Variants in L3MBTL3 observed in about 807,000 individuals in gnomAD.
The protein encoded by L3MBTL3 is lethal(3)malignant brain tumor-like protein 3.
L3MBTL3 carries 27 observed loss-of-function variants against 102.3 expected under a neutral mutation model. The ratio of observed to expected loss-of-function variants is 0.26; its 90% CI spans 0.19 to 0.36. The LOEUF is 0.36. Ranked by LOEUF, L3MBTL3 falls within the 10% of genes least tolerant of loss-of-function variation. L3MBTL3 has a pLI of 1.00. For missense variants in L3MBTL3, 798 were observed against 955.3 expected (o/e 0.84, Z 2.17); for synonymous variants, 340 against 320.9 (o/e 1.06, Z -0.64).
intron 9 of L3MBTL3, among the ~76,000 whole-genome samples, chr6:130,058,149 CAAAA>C (rs61250078): frequency 4.5e-5 from 4 of 89,152 alleles, no homozygotes; most frequent in African/African-American, 1.7e-4. Flanking sequence ...GACTCCGTCT[CAAAA>C]AAAAAAAAAA....
At chr6:130,098,350 A>T (rs1784479553) in intron 18 of L3MBTL3, among the ~76,000 whole-genome samples, 1 of 152,150 alleles carries the variant, frequency 6.6e-6, no homozygotes, top group Non-Finnish European at 1.5e-5. Context: ...GAGGGACTGT[A>T]TAGAGGAGAG....
At chr6:130,039,858 A>G (rs1384516622) in intron 2 of L3MBTL3, among the ~76,000 whole-genome samples, 5 of 152,148 alleles carry the variant, frequency 3.3e-5, no homozygotes, top group Non-Finnish European at 7.4e-5. Context: ...TCATGCATGT[A>G]TGAGGTTGGA....
chr6:130,097,961 G>A (rs938074877), intron 18 of L3MBTL3, among the ~76,000 whole-genome samples: 16 of 152,178 alleles, frequency 1.1e-4, no homozygotes, highest in South Asian at 4.2e-4. Flanking sequence ...CAGCTACTCC[G>A]GAGGCTGAGG....
At chr6:130,112,680 C>A (rs370157043) in intron 19 of L3MBTL3, among the ~76,000 whole-genome samples, 27 of 152,058 alleles carry the variant, frequency 1.8e-4, no homozygotes, top group African/African-American at 6.0e-4. Context: ...GGATTCAGGG[C>A]ATCCTCATCG....
chr6:130,092,927 T>G (rs755573423), intron 17 of L3MBTL3, 68 bp downstream of exon 17: 10 of 989,766 alleles, frequency 1.0e-5, no homozygotes, highest in Non-Finnish European at 1.6e-5. Flanking sequence ...GATTTCATCC[T>G]TAGCCCTTTC....
chr6:130,131,050 A>C (rs1284779032), intron 20 of L3MBTL3, among the ~76,000 whole-genome samples: 1 of 152,236 alleles, frequency 6.6e-6, no homozygotes, highest in Non-Finnish European at 1.5e-5. Context: ...CAAGATCTCT[A>C]CCTGAAAATG....
rs1472251574 is a variant in L3MBTL3, at chr6:130,049,377, A to C, written c.198A>C (p.Val66=). The C allele has an allele frequency of 6.2e-7, 1 of 1,602,550 alleles. No individual in the cohort carries two copies. The highest frequency in any genetic ancestry group is 8.5e-7 in the Non-Finnish European group (1 of 1,170,488). Residue 66 remains valine (V), a synonymous_variant, in exon 4 of 23, where the codon GTA becomes GTC. Transcript: ENST00000361794. ...KKATATTTWM[V]PTAQEAPTSP... ...CAACTGCTACCACCACTTGGATGGT[A>C]CCAACTGCTCAAGAAGGTAAGGATG... is the stretch of plus-strand genomic sequence containing the variant.
chr6:130,025,185 G>T (rs1779267990), intron 2 of L3MBTL3, among the ~76,000 whole-genome samples: 1 of 152,146 alleles, frequency 6.6e-6, no homozygotes, highest in Admixed American at 6.5e-5. Flanking sequence ...AAGGATTTGG[G>T]AATGCTTATA....
intron 2 of L3MBTL3, among the ~76,000 whole-genome samples, chr6:130,032,934 C>T (rs965019236): frequency 1.3e-5 from 2 of 152,038 alleles, no homozygotes; most frequent in Admixed American, 6.6e-5. Context: ...TTGAGGCTGC[C>T]GTGATCCATG....
intron 20 of L3MBTL3, among the ~76,000 whole-genome samples, chr6:130,128,576 C>G (rs556551706): frequency 5.9e-4 from 90 of 152,248 alleles, no homozygotes; most frequent in Non-Finnish European, 2.4e-4. Flanking sequence ...GTCATATGGC[C>G]ACTTTTAGCT....
intron 18 of L3MBTL3, among the ~76,000 whole-genome samples, chr6:130,095,090 A>G (rs1170181715): frequency 2.0e-5 from 3 of 152,184 alleles, no homozygotes; most frequent in African/African-American, 7.2e-5. Context: ...TTCAACTGGC[A>G]TTTTTAAGGA....
chr6:130,042,853 C>G, intron 3 of L3MBTL3, 52 bp downstream of exon 3: 1 of 1,200,428 alleles, frequency 8.3e-7, no homozygotes. Context: ...TGTGCGTATG[C>G]TTACTTAAAA....
At chr6:130,091,975 ATTTATATATT>A (rs1346060283) in intron 16 of L3MBTL3, among the ~76,000 whole-genome samples, 1 of 152,050 alleles carries the variant, frequency 6.6e-6, no homozygotes, top group African/African-American at 2.4e-5. Flanking sequence ...GTTAACAATA[ATTTATATATT>A]TTTAAATAAC....
chr6:130,104,370 T>C (rs373316719), intron 18 of L3MBTL3, 56 bp from the exon 19 acceptor site: 1 of 1,269,262 alleles, frequency 7.9e-7, no homozygotes. Context: ...GGAAGAAGTA[T>C]GGCCTAATGG....
At chr6:130,134,317 A>T (rs1320061697) in intron 22 of L3MBTL3, among the ~76,000 whole-genome samples, 1 of 152,176 alleles carries the variant, frequency 6.6e-6, no homozygotes, top group Non-Finnish European at 1.5e-5. Flanking sequence ...GATTGACTCC[A>T]TTTGAGGTTT....
intron 17 of L3MBTL3, among the ~76,000 whole-genome samples, chr6:130,093,246 G>A (rs1056051674): frequency 1.3e-5 from 2 of 152,194 alleles, no homozygotes; most frequent in African/African-American, 4.8e-5. Context: ...GTGTGAAGGA[G>A]AGCTCCTTAT....
intron 2 of L3MBTL3, among the ~76,000 whole-genome samples, chr6:130,038,383 C>T (rs1370603729): frequency 6.6e-6 from 1 of 151,960 alleles, no homozygotes; most frequent in Non-Finnish European, 1.5e-5. Context: ...TATATTCCCA[C>T]CAAGAAGATA....
chr6:130,083,218 A>AT (rs1783477213), intron 14 of L3MBTL3, among the ~76,000 whole-genome samples: 1 of 151,966 alleles, frequency 6.6e-6, no homozygotes, highest in Non-Finnish European at 1.5e-5. Flanking sequence ...GCTTATGTAC[A>AT]TTTTTTTGCA....
chr6:130,062,531 G>A (rs970687052), intron 10 of L3MBTL3, among the ~76,000 whole-genome samples: 3 of 149,588 alleles, frequency 2.0e-5, no homozygotes, highest in Admixed American at 1.3e-4. Flanking sequence ...GACCACAGGC[G>A]TGTACCACCT....
Sources: gnomAD v4.1 joint callset for allele counts (sites outside exome capture counted in the v4.1 genomes callset) on GRCh38, gnomAD v4.1.1 for gene constraint, MANE v1.5 for transcripts, NCBI Gene and HGNC (gene_info 2026-07-23, HGNC 2026-07-21) for gene names.